TEX14: variants seen among roughly 807,000 people sequenced by gnomAD.
The protein encoded by TEX14 is testis expressed 14, intercellular bridge forming factor.
TEX14 carries 168 observed loss-of-function variants against 178.6 expected under a neutral mutation model. The observed-to-expected ratio is 0.94, with a 90% confidence interval of 0.83 to 1.07. The LOEUF is 1.07. Ranked by LOEUF, TEX14 falls within the 50% of genes least tolerant of loss-of-function variation. TEX14 has a pLI of 0.00. For synonymous variants in TEX14, 626 were observed against 634.1 expected (o/e 0.99, Z 0.19); for missense variants, 1,730 against 1,753.6 (o/e 0.99, Z 0.24).
intron 1 of TEX14, among the ~76,000 whole-genome samples, chr17:58,685,509 T>C (rs2047576320): frequency 6.6e-6 from 1 of 150,854 alleles, no homozygotes; most frequent in South Asian, 2.1e-4. Context: ...AGAGGTAATA[T>C]TATAGACATA....
intron 1 of TEX14, among the ~76,000 whole-genome samples, chr17:58,662,872 C>G (rs2047140959): frequency 6.6e-6 from 1 of 152,128 alleles, no homozygotes; most frequent in African/African-American, 2.4e-5. Context: ...GTAATCCCAG[C>G]ACTTTGGAAG....
At chr17:58,557,136 T>G in intron 31 of TEX14, 89 bp from the exon 32 acceptor site, 1 of 1,059,210 alleles carries the variant, frequency 9.4e-7, no homozygotes, top group Non-Finnish European at 1.5e-6. Flanking sequence ...CTCTTTCTAT[T>G]CAATTAAATT....
intron 1 of TEX14, among the ~76,000 whole-genome samples, chr17:58,669,581 A>G (rs1227733409): frequency 7.3e-5 from 11 of 151,156 alleles, no homozygotes; most frequent in Non-Finnish European, 1.3e-4. Context: ...TAAAAATACA[A>G]AAATTAGCCA....
chr17:58,586,211 T>A (rs1468634904), intron 17 of TEX14, 129 bp from the exon 18 acceptor site: 5 of 1,042,224 alleles, frequency 4.8e-6, no homozygotes, highest in Non-Finnish European at 6.7e-6. Context: ...AGTTGCATCA[T>A]CCTTAGCTTG....
At chr17:58,633,555 G>T (rs1303836217) in intron 2 of TEX14, among the ~76,000 whole-genome samples, 3 of 152,178 alleles carry the variant, frequency 2.0e-5, no homozygotes, top group Non-Finnish European at 1.5e-5. Context: ...TAGGGCTGGG[G>T]ATGGTGGCTC....
At position 58,625,136 on chromosome 17, in the gene TEX14, T is replaced by G. The variant is rs1312292832; in HGVS notation, c.252-2124A>C. Among the ~76,000 whole-genome samples, 3 of 152,108 alleles carry G rather than the reference T, an allele frequency of 2.0e-5. No homozygotes were observed. In the East Asian group the frequency reaches 5.8e-4, roughly 29 times the overall value. ...TTCTTTTTTGTTTTTTGGGTTTTTT[T>G]TTTTTCTTTTTTTGAGACGAAGTCT... On this transcript the variant is annotated intron_variant, in intron 3 of 31. Coordinates refer to ENST00000349033, the MANE Select transcript of TEX14 (RefSeq NM_031272.5).
intron 29 of TEX14, 34 bp from the exon 30 acceptor site, chr17:58,559,596 A>T (rs911358024): frequency 9.8e-7 from 1 of 1,016,970 alleles, no homozygotes; most frequent in South Asian, 1.3e-5. Flanking sequence ...ATCAAAACGT[A>T]TACACAACAG....
intron 31 of TEX14, 105 bp downstream of exon 31, chr17:58,557,694 G>A: frequency 2.4e-6 from 2 of 844,614 alleles, no homozygotes; most frequent in Non-Finnish European, 3.7e-6. Context: ...CTAAATTGGA[G>A]TCTTTGTCAT....
intron 1 of TEX14, among the ~76,000 whole-genome samples, chr17:58,686,805 G>A (rs1483458351): frequency 2.1e-5 from 3 of 143,716 alleles, no homozygotes; most frequent in African/African-American, 7.7e-5. Flanking sequence ...TCCTCAGTCT[G>A]AACAACATTG....
intron 29 of TEX14, among the ~76,000 whole-genome samples, chr17:58,560,414 G>A (rs909238433): frequency 4.6e-5 from 7 of 152,152 alleles, no homozygotes; most frequent in African/African-American, 1.7e-4. Flanking sequence ...GCCCAGGACA[G>A]GGAATCATCC....
intron 15 of TEX14, among the ~76,000 whole-genome samples, chr17:58,593,218 G>A (rs552351111): frequency 1.1e-4 from 17 of 152,266 alleles, no homozygotes; most frequent in African/African-American, 3.4e-4. Flanking sequence ...TTTCCAATTA[G>A]TTTAGTTTCT....
At chr17:58,596,308 G>T (rs898578265) in intron 14 of TEX14, among the ~76,000 whole-genome samples, 1 of 152,050 alleles carries the variant, frequency 6.6e-6, no homozygotes, top group South Asian at 2.1e-4. Context: ...TTGAGACAGG[G>T]TCTCACTCTG....
Position 58,573,280 on chromosome 17 carries a change from T to C in TEX14, c.3412A>G (p.Ser1138Gly). The C allele has an allele frequency of 6.2e-7, 1 of 1,613,092 alleles. No individual in the cohort carries two copies. Among genetic ancestry groups the C allele is most frequent in the Non-Finnish European group, 8.5e-7 (1 of 1,179,022 alleles). ...GAGCTGTCTGGTTCATAGGAGATAC[T>C]AGACAGGTCTTGAATATCCGTCAAT... ...ISLTDIQDLS[S>G]ISYEPDSSFK... is the part of the protein sequence containing the mutation. Residue 1138 changes from serine to glycine, a missense_variant, in exon 23 of 32, where the codon AGT (serine) becomes GGT (glycine). Coordinates refer to ENST00000349033, the MANE Select transcript of TEX14 (RefSeq NM_031272.5).
chr17:58,578,511 G>C (rs1271647), intron 20 of TEX14, among the ~76,000 whole-genome samples: 127,988 of 152,144 alleles, frequency 0.84, 54,079 homozygotes, highest in East Asian at 1. Context: ...TATCAGAACA[G>C]TAGAAGGAAA....
intron 1 of TEX14, among the ~76,000 whole-genome samples, chr17:58,686,830 T>C (rs1285177450): frequency 6.6e-6 from 1 of 151,210 alleles, no homozygotes; most frequent in Non-Finnish European, 1.5e-5. Context: ...CTTTCTCCTA[T>C]TCCCAAACCC....
chr17:58,598,624 C>G (rs151080045), intron 14 of TEX14, among the ~76,000 whole-genome samples: 1 of 152,114 alleles, frequency 6.6e-6, no homozygotes, highest in African/African-American at 2.4e-5. Flanking sequence ...GACTGATTTC[C>G]CAAAGCTAAG....
At position 58,615,323 on chromosome 17, in the gene TEX14, C is replaced by G; in HGVS notation, c.790G>C (p.Val264Leu). The change falls in exon 8 of 32, where the codon GTC becomes CTC. Residue 264 changes from valine to leucine, a missense_variant. Val to Leu is a conservative substitution (Grantham distance 32). This residue lies in a region of TEX14 where 789 missense variants were observed against 681.2 expected (regional missense o/e 1.16). Coordinates refer to ENST00000349033, the MANE Select transcript of TEX14 (RefSeq NM_031272.5). ...GGGAGATTCAGCTCTTTCACTGTGACCCTGCTCCCATTCCACACTAGGCTA... is the reference window on the plus strand; with the variant it reads ...GGGAGATTCAGCTCTTTCACTGTGAGCCTGCTCCCATTCCACACTAGGCTA... ...MTNLVWNGSRVTVKELNLPTH... is the reference protein window; with the variant it reads ...MTNLVWNGSRLTVKELNLPTH... 1 of 1,612,284 alleles carries G rather than the reference C, an allele frequency of 6.2e-7. No homozygotes were observed. The highest frequency in any genetic ancestry group is 8.5e-7 in the Non-Finnish European group (1 of 1,178,402).
intron 18 of TEX14, 112 bp from the exon 19 acceptor site, chr17:58,584,712 G>T: frequency 2.3e-6 from 2 of 856,656 alleles, no homozygotes; most frequent in Non-Finnish European, 1.9e-6. Flanking sequence ...GCCAAGAGTG[G>T]CCATGTCCCA....
Position 58,565,798 on chromosome 17 carries a change from A to T in TEX14, c.3913T>A (p.Ser1305Thr), listed in dbSNP as rs1252719263. The T allele has an allele frequency of 3.7e-6, 6 of 1,609,114 alleles. No homozygotes were observed. The South Asian group carries it at 6.7e-5, about 18-fold the overall frequency. ...GCTGTGTTCTCATGCAACACCGTGG[A>T]TGAGCCCTGCTGCTGTTTCAAGAGC... ...IELLKQQQGS[S>T]TVLHENTASD... The change falls in exon 27 of 32, where the codon TCC becomes ACC. Residue 1305 changes from serine (S) to threonine (T), a missense_variant. Coordinates refer to ENST00000349033, the MANE Select transcript of TEX14 (RefSeq NM_031272.5).
Sources: gnomAD v4.1 joint callset for allele counts (sites outside exome capture counted in the v4.1 genomes callset) on GRCh38, gnomAD v4.1.1 for gene constraint, gnomAD v4.1.1 regional missense constraint, MANE v1.5 for transcripts, NCBI Gene and HGNC (gene_info 2026-07-23, HGNC 2026-07-21) for gene names.